Variants in CELA1 observed in about 807,000 individuals in gnomAD.
CELA1 encodes chymotrypsin like elastase 1, also known as chymotrypsin-like elastase family member 1.
Under a neutral mutation model 34.8 loss-of-function variants are expected in CELA1, and 28 were observed. That is an observed-to-expected ratio of 0.80 (90% CI 0.60 to 1.10). CELA1 has a LOEUF of 1.10. Among genes scored for constraint, CELA1 ranks in the 50% least tolerant of loss-of-function variants. The pLI is 0.00. For missense variants in CELA1, 288 were observed against 327.5 expected (o/e 0.88, Z 0.93); for synonymous variants, 140 against 129.8 (o/e 1.08, Z -0.53).
At chr12:51,340,110 G>C in intron 5 of CELA1, 105 bp from the exon 6 acceptor site, 1 of 1,004,476 alleles carries the variant, frequency 1.0e-6, no homozygotes, top group Middle Eastern at 2.1e-4. Flanking sequence ...GCTGAGCTCA[G>C]GGCAAACTCC....
intron 5 of CELA1, among the ~76,000 whole-genome samples, chr12:51,340,896 A>T (rs1315046766): frequency 2.6e-5 from 4 of 152,072 alleles, no homozygotes; most frequent in Non-Finnish European, 5.9e-5. Context: ...AGTCTCAGCT[A>T]CTCAGGAGGC....
At chr12:51,342,437 A>C in intron 4 of CELA1, 138 bp downstream of exon 4, 1 of 1,238,898 alleles carries the variant, frequency 8.1e-7, no homozygotes, top group Non-Finnish European at 1.1e-6. Context: ...CCTTAACTAA[A>C]GGCCAGGCCA....
intron 6 of CELA1, among the ~76,000 whole-genome samples, chr12:51,331,089 A>G (rs573509809): frequency 6.6e-6 from 1 of 150,782 alleles, no homozygotes; most frequent in African/African-American, 2.4e-5. Context: ...AAAACAAGCA[A>G]TAAAACCATA....
Position 51,330,661 on chromosome 12 carries a change from G to C in CELA1, c.610-828C>G, listed in dbSNP as rs564565583. On this transcript the variant is annotated intron_variant, in intron 6 of 7. Coordinates refer to ENST00000293636, the MANE Select transcript of CELA1 (RefSeq NM_001971.6). ...TCTGAAATAAAAGCAGATGGTTAAG[G>C]ATCACTAAACATCTAAAGAATGCCT... 1.2e-3 allele frequency among the ~76,000 whole-genome samples: 184 copies of C among 152,276 alleles called. 1 individual carries two copies. Among genetic ancestry groups the C allele is most frequent in the South Asian group, 9.5e-3 (46 of 4,830 alleles).
chr12:51,331,001 T>C (rs1592294889), intron 6 of CELA1, among the ~76,000 whole-genome samples: 1 of 138,170 alleles, frequency 7.2e-6, no homozygotes. Context: ...ATTCATCTAA[T>C]ATAAAAATAA....
chr12:51,328,604 A>G lies in CELA1; in HGVS notation c.760-10T>C. ...AGTTGGAGGCGATGACCTGAAGGAA[A>G]GACAGTTATGTCCACAGTCAGTAAC... On this transcript the variant is annotated splice_polypyrimidine_tract_variant and intron_variant, in intron 7 of 7. Coordinates refer to ENST00000293636, the MANE Select transcript of CELA1 (RefSeq NM_001971.6). 6.2e-7 allele frequency: 1 copy of G among 1,613,764 alleles called. No homozygotes were observed. Among genetic ancestry groups the G allele is most frequent in the Non-Finnish European group, 8.5e-7 (1 of 1,179,888 alleles).
intron 6 of CELA1, among the ~76,000 whole-genome samples, chr12:51,339,208 C>T (rs879858583): frequency 1.3e-5 from 2 of 152,030 alleles, no homozygotes; most frequent in African/African-American, 2.4e-5. Context: ...TATACAGCAT[C>T]ACAACCACCT....
chr12:51,342,189 G>A (rs1457319393), intron 4 of CELA1, among the ~76,000 whole-genome samples: 1 of 150,568 alleles, frequency 6.6e-6, no homozygotes, highest in Non-Finnish European at 1.5e-5. Flanking sequence ...ACCATGCCTG[G>A]CTAATTTTTT....
intron 3 of CELA1, 83 bp from the exon 4 acceptor site, chr12:51,342,783 C>A (rs936890611): frequency 2.2e-6 from 3 of 1,334,298 alleles, no homozygotes; most frequent in Admixed American, 2.8e-5. Flanking sequence ...GAAAAACCAT[C>A]TTTTTTTTTA....
At position 51,343,761 on chromosome 12, in the gene CELA1, G is replaced by A. The variant is rs751373872; in HGVS notation, c.192C>T (p.Cys64=). Residue 64 remains cysteine, a synonymous_variant, in exon 3 of 8, where the codon TGC becomes TGT. Coordinates refer to ENST00000293636, the MANE Select transcript of CELA1 (RefSeq NM_001971.6). ...RQNWVMTAAH[C]VDYQKTFRVV... ...GTCTTTGTTTTTCTTACTAATCCAC[G>A]CAGTGAGCAGCTGTCATCACCCAGT... The A allele has an allele frequency of 3.8e-6, 6 of 1,587,366 alleles. No individual in the cohort carries two copies. The highest frequency in any genetic ancestry group is 5.2e-6 in the Non-Finnish European group (6 of 1,156,132).
At position 51,328,501 on chromosome 12, in the gene CELA1, G is replaced by GT; in HGVS notation, c.*75dup. 1 of 1,423,664 alleles carries GT rather than the reference G, an allele frequency of 7.0e-7. No individual in the cohort carries two copies. Among genetic ancestry groups the GT allele is most frequent in the South Asian group, 1.2e-5 (1 of 86,860 alleles). The allele number at this position is 1,423,664 out of a possible 1,614,324, so 88.2% of individuals were successfully genotyped here. A position where few individuals can be genotyped will look rare whatever the true frequency, so the allele number is the denominator to read the frequency against. ...ATGGCTCAATAGTCTTTCAGAATGT[G>GT]TTTTACTTTTTGATCGCAAGTCCTA... is the stretch of plus-strand genomic sequence containing the variant. On this transcript the variant is annotated 3_prime_UTR_variant, in exon 8 of 8. Coordinates refer to ENST00000293636, the MANE Select transcript of CELA1 (RefSeq NM_001971.6).
chr12:51,344,408 A>G (rs188278804), intron 2 of CELA1, among the ~76,000 whole-genome samples: 50 of 152,356 alleles, frequency 3.3e-4, no homozygotes, highest in African/African-American at 1.2e-3. Flanking sequence ...AAGAGGAACT[A>G]TAGGCCAGGC....
At position 51,346,603 on chromosome 12, in the gene CELA1, A is replaced by AACAC. The variant is rs760164771; in HGVS notation, c.16+19_16+20insGTGT. The AACAC allele has an allele frequency of 5.7e-6, 9 of 1,589,218 alleles. No individual in the cohort carries two copies. The highest frequency in any genetic ancestry group is 1.7e-5 in the Admixed American group (1 of 59,418). Reference sequence around the variant, plus strand: ...CTTACCATAAAGGACCAGGGTTGCGACTGGACCATATCCACTTACCATAAA... The same window carrying AACAC: ...CTTACCATAAAGGACCAGGGTTGCGAACACCTGGACCATATCCACTTACCATAAA... On this transcript the variant is annotated intron_variant, in intron 1 of 7. Coordinates refer to ENST00000293636, the MANE Select transcript of CELA1 (RefSeq NM_001971.6).
chr12:51,328,497 A>G lies in CELA1; in HGVS notation c.*80T>C. The G allele has an allele frequency of 7.3e-7, 1 of 1,376,280 alleles. No individual in the cohort carries two copies. Among genetic ancestry groups the G allele is most frequent in the East Asian group, 2.3e-5 (1 of 43,756 alleles). 85.3% of individuals were successfully genotyped at this position (1,376,280 alleles called of 1,614,324 possible). ...ATCAATGGCTCAATAGTCTTTCAGA[A>G]TGTGTTTTACTTTTTGATCGCAAGT... On this transcript the variant is annotated 3_prime_UTR_variant, in exon 8 of 8. Coordinates refer to ENST00000293636, the MANE Select transcript of CELA1 (RefSeq NM_001971.6).
chr12:51,342,309 A>G (rs1282326829), intron 4 of CELA1, among the ~76,000 whole-genome samples: 1 of 152,100 alleles, frequency 6.6e-6, no homozygotes, highest in African/African-American at 2.4e-5. Flanking sequence ...TGTTGGGATT[A>G]TAGGCATGAG....
chr12:51,345,516 T>C (rs1946560664), intron 2 of CELA1, among the ~76,000 whole-genome samples: 1 of 152,230 alleles, frequency 6.6e-6, no homozygotes. Context: ...ACCCAGTCTT[T>C]CTTGCGTGGC....
At position 51,329,684 on chromosome 12, in the gene CELA1, ATTAT is replaced by A; in HGVS notation, c.755_758del (p.Asn252MetfsTer31). 1 of 1,607,920 alleles carries A rather than the reference ATTAT, an allele frequency of 6.2e-7. No individual in the cohort carries two copies. On this transcript the variant is annotated frameshift_variant and splice_region_variant, in exon 7 of 8. Coordinates refer to ENST00000293636, the MANE Select transcript of CELA1 (RefSeq NM_001971.6). LOFTEE classifies it high-confidence loss of function. Reference sequence around the variant, plus strand: ...CAACCCATCATTTGAGAGGACTCACATTATTTATCCAGGAGATGTAAGCAGAGAC... The same window carrying A: ...CAACCCATCATTTGAGAGGACTCACATTATCCAGGAGATGTAAGCAGAGAC...
Position 51,329,185 on chromosome 12 carries a change from C to G in CELA1, c.759+499G>C, listed in dbSNP as rs953400454. ...AGGAGAATCACTTGAACCCAGGAGGCAGAGGCTGCAGTGAGTCGAGATCAA... is the reference window on the plus strand; with the variant it reads ...AGGAGAATCACTTGAACCCAGGAGGGAGAGGCTGCAGTGAGTCGAGATCAA... On this transcript the variant is annotated intron_variant, in intron 7 of 7. Transcript: ENST00000293636. Among the ~76,000 whole-genome samples, 3 of 146,066 alleles carry G rather than the reference C, an allele frequency of 2.1e-5. No homozygotes were observed. In the Admixed American group the frequency reaches 2.2e-4, roughly 11 times the overall value.
At chr12:51,335,227 C>A (rs1001083921) in intron 6 of CELA1, among the ~76,000 whole-genome samples, 1 of 152,080 alleles carries the variant, frequency 6.6e-6, no homozygotes, top group Admixed American at 6.6e-5. Context: ...CTACAGGATT[C>A]TTTCCTCTCT....
Sources: gnomAD v4.1 joint callset for allele counts (sites outside exome capture counted in the v4.1 genomes callset) on GRCh38, gnomAD v4.1.1 for gene constraint, MANE v1.5 for transcripts, NCBI Gene and HGNC (gene_info 2026-07-23, HGNC 2026-07-21) for gene names.